Variants in PPP2R2C observed in about 807,000 individuals in gnomAD.
PPP2R2C encodes the protein protein phosphatase 2, regulatory subunit B, gamma.
A neutral mutation model predicts 45.3 loss-of-function variants in PPP2R2C; 10 were observed. That is an observed-to-expected ratio of 0.22 (90% CI 0.14 to 0.37). PPP2R2C has a LOEUF of 0.37. Among genes scored for constraint, PPP2R2C ranks in the 10% least tolerant of loss-of-function variants. The probability of loss-of-function intolerance (pLI) is 1.00; values close to 1 mark genes in which losing one functional copy is unlikely to be tolerated. For missense variants in PPP2R2C, 308 were observed against 619.7 expected (o/e 0.50, Z 5.34); for synonymous variants, 257 against 245.4 (o/e 1.05, Z -0.44).
intron 6 of PPP2R2C, among the ~76,000 whole-genome samples, chr4:6,340,281 C>T (rs1164456215): frequency 2.0e-5 from 3 of 152,178 alleles, no homozygotes; most frequent in African/African-American, 7.2e-5. Flanking sequence ...TGACGTCAGC[C>T]AGGTTCCTCT....
At chr4:6,516,790 G>A (rs992415024) in intron 2 of PPP2R2C, among the ~76,000 whole-genome samples, 1 of 152,094 alleles carries the variant, frequency 6.6e-6, no homozygotes, top group Non-Finnish European at 1.5e-5. Context: ...TCCTCACCTG[G>A]CAATATAAAC....
At chr4:6,502,392 C>T (rs1023023135) in intron 2 of PPP2R2C, among the ~76,000 whole-genome samples, 1 of 152,152 alleles carries the variant, frequency 6.6e-6, no homozygotes, top group African/African-American at 2.4e-5. Flanking sequence ...CAAGCAAACA[C>T]AGGCAGGGTG....
At chr4:6,559,754 C>T (rs1381568980) in intron 1 of PPP2R2C, among the ~76,000 whole-genome samples, 1 of 152,206 alleles carries the variant, frequency 6.6e-6, no homozygotes, top group South Asian at 2.1e-4. Context: ...AGGCACCATC[C>T]GTGAACCAGA....
intron 2 of PPP2R2C, among the ~76,000 whole-genome samples, chr4:6,513,796 G>C (rs2108807856): frequency 6.6e-6 from 1 of 152,274 alleles, no homozygotes; most frequent in Non-Finnish European, 1.5e-5. Flanking sequence ...GCCAGGGAAG[G>C]GCCCCCAGAG....
chr4:6,449,990 C>G (rs1720650357), intron 1 of PPP2R2C, among the ~76,000 whole-genome samples: 1 of 152,190 alleles, frequency 6.6e-6, no homozygotes, highest in South Asian at 2.1e-4. Context: ...CCCCATTTTT[C>G]TAGGATTCCC....
chr4:6,562,187 G>A (rs1046706630), intron 1 of PPP2R2C, among the ~76,000 whole-genome samples: 3 of 152,152 alleles, frequency 2.0e-5, no homozygotes, highest in Non-Finnish European at 4.4e-5. Context: ...TGAGACTGAG[G>A]AGGCAGCTGC....
chr4:6,346,429 C>T (rs1339625528), intron 6 of PPP2R2C, among the ~76,000 whole-genome samples: 2 of 152,182 alleles, frequency 1.3e-5, no homozygotes, highest in Non-Finnish European at 2.9e-5. Context: ...CAGGGAGGCC[C>T]TCCCTGACCC....
Position 6,364,317 on chromosome 4 carries a change from C to T in PPP2R2C, c.625+8206G>A, listed in dbSNP as rs964400198. ...GGAAATATGGTGAAGAGCAGGGGGC[C>T]GGGAACGCTGAGCCCAGGGAGCAAA... On this transcript the variant is annotated intron_variant, in intron 5 of 8. Coordinates refer to ENST00000382599, the MANE Select transcript of PPP2R2C (RefSeq NM_020416.4). This position sits in a 1 kb window ranked among gnomAD's most constrained non-coding sequence, Gnocchi z 5.3. Among the ~76,000 whole-genome samples, 11 of 152,110 alleles carry T rather than the reference C, an allele frequency of 7.2e-5. No individual in the cohort carries two copies. The highest frequency in any genetic ancestry group is 5.8e-4 in the East Asian group (3 of 5,190).
intron 1 of PPP2R2C, among the ~76,000 whole-genome samples, chr4:6,441,253 G>A (rs1435577946): frequency 1.3e-5 from 2 of 152,096 alleles, no homozygotes; most frequent in African/African-American, 4.8e-5. Context: ...TCTCAACATT[G>A]CTACAGCCCC....
chr4:6,385,075 G>T (rs894968935), intron 1 of PPP2R2C, among the ~76,000 whole-genome samples: 1 of 152,184 alleles, frequency 6.6e-6, no homozygotes, highest in African/African-American at 2.4e-5. Flanking sequence ...AAAATGTACT[G>T]GACAGAAACT....
intron 1 of PPP2R2C, among the ~76,000 whole-genome samples, chr4:6,441,717 T>C (rs1175530030): frequency 1.3e-5 from 2 of 152,150 alleles, no homozygotes; most frequent in African/African-American, 4.8e-5. Context: ...AAAGGTGAAC[T>C]TGATAAGGAA....
intron 1 of PPP2R2C, among the ~76,000 whole-genome samples, chr4:6,537,283 A>G (rs540547891): frequency 6.6e-6 from 1 of 152,292 alleles, no homozygotes; most frequent in African/African-American, 2.4e-5. Context: ...GGACACACAC[A>G]TAAATGCTCA....
chr4:6,359,009 G>T (rs541751743), intron 5 of PPP2R2C, among the ~76,000 whole-genome samples: 233 of 152,296 alleles, frequency 1.5e-3, no homozygotes, highest in African/African-American at 5.3e-3. Context: ...ATACCCAAAG[G>T]ATTATAAATC....
At chr4:6,464,856 T>C (rs939295329) in intron 1 of PPP2R2C, among the ~76,000 whole-genome samples, 1 of 141,714 alleles carries the variant, frequency 7.1e-6, no homozygotes, top group African/African-American at 2.6e-5. Flanking sequence ...GCAGTGTTAG[T>C]TATGAAAATA....
rs192740572 is a variant in PPP2R2C at position 6,546,267 on chromosome 4, G to T, written c.-58-10890C>A. ...AACCGGTGATCACGGGCAAGGCAGG[G>T]TTGAGTTGGACATCACATCTCCTGA... is the stretch of plus-strand genomic sequence containing the variant. On this transcript the variant is annotated intron_variant, in intron 1 of 9. Coordinates refer to the PPP2R2C transcript ENST00000506140. Among the ~76,000 whole-genome samples the T allele has an allele frequency of 5.9e-5, 9 of 152,338 alleles. No individual in the cohort carries two copies. The East Asian group carries it at 1.7e-3, about 29-fold the overall frequency.
chr4:6,526,960 TC>T (rs1359453154), intron 2 of PPP2R2C, among the ~76,000 whole-genome samples: 2 of 152,008 alleles, frequency 1.3e-5, no homozygotes, highest in Non-Finnish European at 2.9e-5. Context: ...AGCCCCGAGT[TC>T]CCCAGCTGCT....
intron 2 of PPP2R2C, among the ~76,000 whole-genome samples, chr4:6,511,478 T>G (rs1723475256): frequency 8.0e-6 from 1 of 124,962 alleles, no homozygotes; most frequent in Non-Finnish European, 1.7e-5. Flanking sequence ...GTGGTGGTGA[T>G]GGCGGTGTTG....
At position 6,365,443 on chromosome 4, in the gene PPP2R2C, C is replaced by T. The variant is rs373262479; in HGVS notation, c.625+7080G>A. Among the ~76,000 whole-genome samples, 6 of 152,024 alleles carry T rather than the reference C, an allele frequency of 3.9e-5. No homozygotes were observed. In the East Asian group the frequency reaches 1.2e-3, roughly 29 times the overall value. ...TGAGGGTTGCTTGTCTACACGGCAC[C>T]AGGCCCCATACTCATCGGCCATTCC... On this transcript the variant is annotated intron_variant, in intron 5 of 8. Transcript: ENST00000382599.
Position 6,364,323 on chromosome 4 carries a change from C to A in PPP2R2C, c.625+8200G>T, listed in dbSNP as rs559368022. On this transcript the variant is annotated intron_variant, in intron 5 of 8. Coordinates refer to ENST00000382599, the MANE Select transcript of PPP2R2C (RefSeq NM_020416.4). The surrounding 1 kb of genome is among the most constrained non-coding windows in gnomAD (Gnocchi z 5.3). ...ATGGTGAAGAGCAGGGGGCCGGGAA[C>A]GCTGAGCCCAGGGAGCAAAGGGAGA... Among the ~76,000 whole-genome samples, 2 of 152,136 alleles carry A rather than the reference C, an allele frequency of 1.3e-5. No homozygotes were observed. Among genetic ancestry groups the A allele is most frequent in the Non-Finnish European group, 2.9e-5 (2 of 68,024 alleles).
Sources: gnomAD v4.1 joint callset for allele counts (sites outside exome capture counted in the v4.1 genomes callset) on GRCh38, gnomAD v4.1.1 for gene constraint, Gnocchi (gnomAD v3.1) non-coding constraint, MANE v1.5 for transcripts, NCBI Gene and HGNC (gene_info 2026-07-23, HGNC 2026-07-21) for gene names.